FALEC: variants seen among roughly 807,000 people sequenced by gnomAD.
FALEC encodes focally amplified lncRNA on chromosome 1.
the FALEC span, among the ~76,000 whole-genome samples, chr1:150,530,265 G>C: frequency 6.6e-6 from 1 of 152,220 alleles, no homozygotes; most frequent in African/African-American, 2.4e-5. Context: ...CTGAGGCCAT[G>C]CTGGGTACTT....
downstream of FALEC, among the ~76,000 whole-genome samples, chr1:150,521,405 G>C (rs1670641809): frequency 6.6e-6 from 1 of 152,128 alleles, no homozygotes; most frequent in Non-Finnish European, 1.5e-5. Context: ...TAGCCATTCT[G>C]GTGAGTTTGT....
the FALEC span, among the ~76,000 whole-genome samples, chr1:150,525,313 A>G: frequency 6.6e-6 from 1 of 151,954 alleles, no homozygotes; most frequent in African/African-American, 2.4e-5. Flanking sequence ...AAAACCCAAA[A>G]CATTAGCCAG....
At chr1:150,525,313 A>T in the FALEC span, among the ~76,000 whole-genome samples, 1 of 151,954 alleles carries the variant, frequency 6.6e-6, no homozygotes, top group Non-Finnish European at 1.5e-5. Flanking sequence ...AAAACCCAAA[A>T]CATTAGCCAG....
chr1:150,530,896 T>C, the FALEC span, among the ~76,000 whole-genome samples: 1 of 152,186 alleles, frequency 6.6e-6, no homozygotes, highest in African/African-American at 2.4e-5. Context: ...CAGAAGCCCC[T>C]GTTCTGAGCC....
At chr1:150,532,356 C>G in the FALEC span, among the ~76,000 whole-genome samples, 5 of 152,194 alleles carry the variant, frequency 3.3e-5, no homozygotes, top group African/African-American at 1.2e-4. Flanking sequence ...TTGGCTGTTA[C>G]ACTGGAAACA....
downstream of FALEC, among the ~76,000 whole-genome samples, chr1:150,519,498 A>G (rs950445054): frequency 2.0e-5 from 3 of 152,106 alleles, no homozygotes; most frequent in African/African-American, 7.2e-5. Flanking sequence ...AGGTGGGCAG[A>G]TCACCTGAGG....
chr1:150,532,111 G>C, the FALEC span, among the ~76,000 whole-genome samples: 1 of 152,224 alleles, frequency 6.6e-6, no homozygotes, highest in Admixed American at 6.5e-5. Context: ...GTTTCACCAT[G>C]TTAGCCAGGA....
chr1:150,528,789 A>G, the FALEC span, among the ~76,000 whole-genome samples: 3 of 151,670 alleles, frequency 2.0e-5, no homozygotes, highest in Non-Finnish European at 2.9e-5. Context: ...GGATTTCACC[A>G]TGTTAGCCAG....
downstream of FALEC, among the ~76,000 whole-genome samples, chr1:150,521,372 A>G (rs977159279): frequency 8.0e-4 from 121 of 152,108 alleles, 2 homozygotes; most frequent in Admixed American, 5.2e-4. Flanking sequence ...ACCCTCTCCA[A>G]TTCTTGAGGT....
the FALEC span, among the ~76,000 whole-genome samples, chr1:150,529,015 G>GAAAAAAAAAAAAAAAAAAAAAAAAAAAA: frequency 1.7e-4 from 1 of 5,958 alleles, no homozygotes; most frequent in African/African-American, 6.7e-4. Context: ...TAAATAAATA[G>GAAAAAAAAAAAAAAAAAAAAAAAAAAAA]CAAAAAAAAA....
chr1:150,522,914 C>CATATATAGATACGTGT (rs1670669464), downstream of FALEC, among the ~76,000 whole-genome samples: 1 of 58,780 alleles, frequency 1.7e-5, no homozygotes, highest in African/African-American at 9.1e-5. Context: ...CATATATATA[C>CATATATAGATACGTGT]ATATATATAT....
At chr1:150,523,660 A>C in the FALEC span, among the ~76,000 whole-genome samples, 4 of 151,916 alleles carry the variant, frequency 2.6e-5, no homozygotes, top group Non-Finnish European at 5.9e-5. Flanking sequence ...TCAAAAAAAA[A>C]AAAAAAAAAA....
downstream of FALEC, among the ~76,000 whole-genome samples, chr1:150,519,771 CAGG>C (rs922685646): frequency 6.6e-6 from 1 of 152,072 alleles, no homozygotes; most frequent in African/African-American, 2.4e-5. Flanking sequence ...GCAGGAGAAT[CAGG>C]AGAATCGCTT....
chr1:150,524,568 A>G, the FALEC span, among the ~76,000 whole-genome samples: 1 of 152,238 alleles, frequency 6.6e-6, no homozygotes, highest in Non-Finnish European at 1.5e-5. Context: ...AGACAAGTCA[A>G]TCAAAAGATG....
the FALEC span, among the ~76,000 whole-genome samples, chr1:150,532,987 G>A: frequency 1.3e-5 from 2 of 152,132 alleles, no homozygotes; most frequent in African/African-American, 4.8e-5. Flanking sequence ...GAACAGCTTC[G>A]GCAAAGACCC....
At chr1:150,526,098 C>T in the FALEC span, among the ~76,000 whole-genome samples, 3 of 152,162 alleles carry the variant, frequency 2.0e-5, no homozygotes, top group South Asian at 4.1e-4. Flanking sequence ...TGCAGTGGCT[C>T]ACGCCTGTAA....
chr1:150,535,532 C>T, the FALEC span, among the ~76,000 whole-genome samples: 1 of 152,260 alleles, frequency 6.6e-6, no homozygotes, highest in East Asian at 1.9e-4. Context: ...GCGTGAGCCA[C>T]CGCGCCCAGG....
chr1:150,517,589 G>T (rs1347579594), intron 1 of FALEC, among the ~76,000 whole-genome samples: 1 of 152,114 alleles, frequency 6.6e-6, no homozygotes, highest in Non-Finnish European at 1.5e-5. Flanking sequence ...TTATAAAAGG[G>T]ACCCCAGAGA....
the FALEC span, among the ~76,000 whole-genome samples, chr1:150,534,572 A>G: frequency 8.5e-5 from 13 of 152,080 alleles, no homozygotes; most frequent in Non-Finnish European, 5.9e-5. Context: ...AGCCTGGCAC[A>G]GTGGCTCAAG....
Sources: allele counts gnomAD v4.1 joint callset (sites outside exome capture counted in the v4.1 genomes callset), GRCh38; gene constraint gnomAD v4.1.1; transcripts MANE v1.5; gene names NCBI Gene and HGNC (gene_info 2026-07-23, HGNC 2026-07-21).